TMEM165: variants seen among roughly 807,000 people sequenced by gnomAD.
TMEM165 encodes putative divalent cation/proton antiporter TMEM165.
Under a neutral mutation model 30.0 loss-of-function variants are expected in TMEM165, and 19 were observed. The ratio of observed to expected loss-of-function variants is 0.63; its 90% CI spans 0.44 to 0.93. The LOEUF is 0.93. TMEM165 is among the 40% of genes least tolerant of loss of function. TMEM165 has a pLI of 0.00. For missense variants in TMEM165, 340 were observed against 417.0 expected (o/e 0.82, Z 1.61); for synonymous variants, 168 against 162.9 (o/e 1.03, Z -0.24).
At chr4:55,438,787 G>C (rs1723106175) in intron 3 of TMEM165, among the ~76,000 whole-genome samples, 1 of 152,100 alleles carries the variant, frequency 6.6e-6, no homozygotes, top group Non-Finnish European at 1.5e-5. Context: ...ACATTCAAAA[G>C]AATAAAGTTA....
intron 1 of TMEM165, among the ~76,000 whole-genome samples, chr4:55,406,459 C>T (rs1313509892): frequency 2.6e-5 from 4 of 152,114 alleles, no homozygotes; most frequent in African/African-American, 4.8e-5. Flanking sequence ...TTTCTTGAGA[C>T]GTGGTGTGTA....
chr4:55,426,726 T>TGAA (rs1403079439), downstream of TMEM165, among the ~76,000 whole-genome samples: 1 of 152,196 alleles, frequency 6.6e-6, no homozygotes, highest in African/African-American at 2.4e-5. Context: ...GTCTGCAATT[T>TGAA]GAAGAGATTG....
downstream of TMEM165, chr4:55,430,629 T>A (rs1347636205): frequency 6.6e-6 from 1 of 152,186 alleles, no homozygotes; most frequent in African/African-American, 2.4e-5. Context: ...GCAAAAATAT[T>A]ACAAGAGCAA....
In TMEM165 at chr4:55,425,312, C is replaced by T. The variant is rs7677952; in HGVS notation, c.899-64C>T. 0.38 allele frequency: 511,302 copies of T among 1,353,444 alleles called. 100,320 individuals are homozygous for T. The highest frequency in any genetic ancestry group is 0.61 in the East Asian group (26,271 of 43,224). 83.8% of individuals were successfully genotyped at this position (1,353,444 alleles called of 1,614,324 possible). On this transcript the variant is annotated intron_variant, in intron 5 of 5. Coordinates refer to ENST00000381334, the MANE Select transcript of TMEM165 (RefSeq NM_018475.5). ...TTGGCCGCCTCATCGGCTCCCTTTT[C>T]ATTTTGTACAGTATCAAGGTATAGG... is the stretch of plus-strand genomic sequence containing the variant.
intron 2 of TMEM165, among the ~76,000 whole-genome samples, chr4:55,414,771 T>C (rs754408292): frequency 4.2e-4 from 64 of 152,236 alleles, no homozygotes; most frequent in Admixed American, 3.9e-4. Context: ...AGAATTACAG[T>C]GTATCCCTCC....
chr4:55,407,723 A>G (rs566592606), intron 1 of TMEM165, among the ~76,000 whole-genome samples: 4 of 152,236 alleles, frequency 2.6e-5, no homozygotes, highest in Non-Finnish European at 4.4e-5. Flanking sequence ...AGTATTTGGT[A>G]TGAAAAGACC....
intron 1 of TMEM165, chr4:55,398,884 A>C (rs1290350100): frequency 8.8e-6 from 1 of 113,892 alleles, no homozygotes; most frequent in African/African-American, 2.7e-5. Context: ...AAAAAAAAAA[A>C]AAAACAACAA....
chr4:55,427,098 A>ATCTT (rs1274077092), downstream of TMEM165, among the ~76,000 whole-genome samples: 1 of 146,366 alleles, frequency 6.8e-6, no homozygotes. Flanking sequence ...CAGTGGTGTG[A>ATCTT]TCTTGGCTCA....
chr4:55,433,837 A>G (rs1472800295), intron 3 of TMEM165: 1 of 152,188 alleles, frequency 6.6e-6, no homozygotes, highest in East Asian at 1.9e-4. Context: ...TGTGAGTTAC[A>G]ATATTCTAAT....
chr4:55,427,825 T>TAA (rs1722295500), downstream of TMEM165: 1 of 152,198 alleles, frequency 6.6e-6, no homozygotes, highest in African/African-American at 2.4e-5. Context: ...GAATTTTTGG[T>TAA]AAGTCAGACC....
Position 55,411,664 on chromosome 4 carries a change from T to C in TMEM165, c.258T>C (p.Ala86=). Residue 86 remains alanine, a synonymous_variant, in exon 2 of 6, where the codon GCT becomes GCC. Coordinates refer to ENST00000381334, the MANE Select transcript of TMEM165 (RefSeq NM_018475.5). ...APVHTNKEDP[A]TQTNLGFIHA... is the part of the protein sequence containing the mutation. ...TTCATACCAATAAAGAAGATCCTGC[T>C]ACCCAAACTAATTTGGGATTTATCC... is the stretch of plus-strand genomic sequence containing the variant. 1 of 1,614,200 alleles carries C rather than the reference T, an allele frequency of 6.2e-7. No homozygotes were observed. Among genetic ancestry groups the C allele is most frequent in the Non-Finnish European group, 8.5e-7 (1 of 1,180,026 alleles).
At chr4:55,429,578 A>T (rs1377573501), downstream of TMEM165, 1 of 152,214 alleles carries the variant, frequency 6.6e-6, no homozygotes, top group African/African-American at 2.4e-5. Context: ...CGCCAAATTT[A>T]AGAACTTTAA....
downstream of TMEM165, chr4:55,430,652 T>C (rs956680093): frequency 6.6e-6 from 1 of 152,184 alleles, no homozygotes; most frequent in Non-Finnish European, 1.5e-5. Flanking sequence ...CAAATGGAAA[T>C]GCTGAAATGA....
rs551195215 is a variant in TMEM165, at chr4:55,442,312, T to C, written c.409-9927T>C. On this transcript the variant is annotated intron_variant, in intron 3 of 3. Transcript: ENST00000608091. ...TGTTTTTATTTCAAATTTAAGAACA[T>C]TGGCTGCAGTGAGCATCTCATTAAA... 210 of 819,920 alleles carry C rather than the reference T, an allele frequency of 2.6e-4. 2 individuals are homozygous for C. Among genetic ancestry groups the C allele is most frequent in the African/African-American group, 1.3e-3 (74 of 58,646 alleles). The allele number at this position is 819,920 out of a possible 1,614,324, so 50.8% of individuals were successfully genotyped here. A position where few individuals can be genotyped will look rare whatever the true frequency, so the allele number is the denominator to read the frequency against.
At chr4:55,403,420 T>G (rs1329426778) in intron 1 of TMEM165, 1 of 623,746 alleles carries the variant, frequency 1.6e-6, no homozygotes, top group Non-Finnish European at 2.1e-6. Context: ...TTTTCTTTGA[T>G]TTTCTTTTTC....
intron 3 of TMEM165, chr4:55,449,572 TCA>T (rs1724242038): frequency 7.9e-7 from 1 of 1,258,544 alleles, no homozygotes; most frequent in East Asian, 2.4e-5. Context: ...AAAATGTATT[TCA>T]GTTAATAAAA....
intron 1 of TMEM165, 55 bp from the exon 2 acceptor site, chr4:55,411,559 A>G: frequency 6.7e-7 from 1 of 1,484,988 alleles, no homozygotes; most frequent in Non-Finnish European, 9.2e-7. Flanking sequence ...TTTACGTGCA[A>G]AATAAAATAA....
At chr4:55,430,871 A>C (rs1051843556), downstream of TMEM165, 3 of 152,178 alleles carry the variant, frequency 2.0e-5, no homozygotes, top group Non-Finnish European at 4.4e-5. Context: ...ATAGTGTTTA[A>C]ATCAAACTAG....
chr4:55,411,394 A>G (rs1391968467), intron 1 of TMEM165, among the ~76,000 whole-genome samples: 1 of 152,146 alleles, frequency 6.6e-6, no homozygotes, highest in African/African-American at 2.4e-5. Context: ...CAAAATTCCA[A>G]CTACTTCTGG....
Sources: gnomAD v4.1 joint callset for allele counts (sites outside exome capture counted in the v4.1 genomes callset) on GRCh38, gnomAD v4.1.1 for gene constraint, MANE v1.5 for transcripts, NCBI Gene and HGNC (gene_info 2026-07-23, HGNC 2026-07-21) for gene names.